ODF2: variants seen among roughly 807,000 people sequenced by gnomAD.
ODF2 encodes the protein outer dense fiber of sperm tails 2.
In ODF2, 47 loss-of-function variants were observed where a neutral mutation model predicts 110.2. The ratio of observed to expected loss-of-function variants is 0.43; its 90% CI spans 0.34 to 0.54. The LOEUF is 0.54. Ranked by LOEUF, ODF2 falls within the 20% of genes least tolerant of loss-of-function variation. ODF2 has a pLI of 0.03. For synonymous variants in ODF2, 352 were observed against 397.7 expected (o/e 0.89, Z 1.37); for missense variants, 812 against 1,054.5 (o/e 0.77, Z 3.19).
In ODF2 at chr9:128,477,205, C is replaced by T. The variant is rs546174647; in HGVS notation, c.843+3464C>T. Among the ~76,000 whole-genome samples the T allele has an allele frequency of 2.0e-5, 3 of 149,942 alleles. No individual in the cohort carries two copies. The South Asian group carries it at 6.4e-4, about 32-fold the overall frequency. On this transcript the variant is annotated intron_variant, in intron 8 of 20. Transcript: ENST00000604420. Reference sequence around the variant, plus strand: ...CCTAGATTGCACCACTATACTCCAGCCTGGGTGACAGAGCGAGACTCTGTC... The same window carrying T: ...CCTAGATTGCACCACTATACTCCAGTCTGGGTGACAGAGCGAGACTCTGTC...
chr9:128,458,630 A>G (rs1377356570), intron 2 of ODF2, among the ~76,000 whole-genome samples: 1 of 144,414 alleles, frequency 6.9e-6, no homozygotes, highest in African/African-American at 2.6e-5. Flanking sequence ...CTGGTGATGG[A>G]GCTGTACAGT....
intron 18 of ODF2, chr9:128,497,514 G>T (rs1485400164): frequency 7.4e-6 from 1 of 135,472 alleles, no homozygotes. Context: ...CGCAGTGGCG[G>T]GCGCCTGTAG....
At chr9:128,490,455 T>G (rs1176818295) in intron 14 of ODF2, among the ~76,000 whole-genome samples, 1 of 152,074 alleles carries the variant, frequency 6.6e-6, no homozygotes, top group Non-Finnish European at 1.5e-5. Context: ...GCTAATTTTT[T>G]GTATTTTTAG....
chr9:128,456,794 G>C, intron 1 of ODF2: 1 of 1,287,844 alleles, frequency 7.8e-7, no homozygotes, highest in Non-Finnish European at 1.0e-6. Flanking sequence ...CCAGCCCGGC[G>C]TCTATCCTGC....
At chr9:128,498,377 G>A (rs1846017748) in intron 18 of ODF2, 36 bp from the exon 19 acceptor site, 1 of 1,506,560 alleles carries the variant, frequency 6.6e-7, no homozygotes, top group Non-Finnish European at 8.9e-7. Context: ...GACAGGTTGG[G>A]GTATGCCCAG....
rs540190798 is a variant in ODF2, at chr9:128,481,471, T to TTA, written c.844-109_844-108insTA. 9.5e-4 allele frequency: 639 copies of TTA among 669,230 alleles called. 7 individuals are homozygous for TTA. The East Asian group carries it at 0.022, about 23-fold the overall frequency. 41.5% of individuals were successfully genotyped at this position (669,230 alleles called of 1,614,324 possible). A position where few individuals can be genotyped will look rare whatever the true frequency, so the allele number is the denominator to read the frequency against. Reference sequence around the variant, plus strand: ...CAGCCTGGGCAACAGAGTAAGACTCTAAAAAAAAAAAAAAATACAATTTTT... The same window carrying TTA: ...CAGCCTGGGCAACAGAGTAAGACTCTTAAAAAAAAAAAAAAAATACAATTTTT... On this transcript the variant is annotated intron_variant, in intron 8 of 20. Transcript: ENST00000604420.
At chr9:128,484,979 G>A in intron 12 of ODF2, 93 bp downstream of exon 12, 5 of 1,239,906 alleles carry the variant, frequency 4.0e-6, no homozygotes, top group South Asian at 3.8e-5. Flanking sequence ...GCGGGGAGGG[G>A]TGGGTGGATG....
chr9:128,469,151 G>C (rs1415969229), intron 4 of ODF2, 32 bp from the exon 5 acceptor site: 1 of 1,605,590 alleles, frequency 6.2e-7, no homozygotes, highest in East Asian at 2.2e-5. Context: ...TCTGCCTTCT[G>C]AGTTCATGTG....
chr9:128,466,810 T>C (rs1368794550), intron 4 of ODF2, among the ~76,000 whole-genome samples: 1 of 148,350 alleles, frequency 6.7e-6, no homozygotes, highest in Non-Finnish European at 1.5e-5. Context: ...ACTCCGTCTC[T>C]ACTAAAAGTA....
At chr9:128,495,985 G>GGAGGCC (rs1845501499) in intron 17 of ODF2, 56 bp from the exon 18 acceptor site, 1 of 1,602,418 alleles carries the variant, frequency 6.2e-7, no homozygotes, top group Non-Finnish European at 8.5e-7. Flanking sequence ...TAGGGAAAGG[G>GGAGGCC]GAGGGCTCTA....
At chr9:128,455,921 G>T (rs1375652102), upstream of ODF2, 1 of 1,382,980 alleles carries the variant, frequency 7.2e-7, no homozygotes, top group Non-Finnish European at 9.4e-7. Flanking sequence ...GCCTTGAATG[G>T]GGGGCGAGAC....
chr9:128,499,040 G>A (rs974476643), exon 20 of ODF2: 100 of 1,614,044 alleles, frequency 6.2e-5, no homozygotes, highest in Non-Finnish European at 8.2e-5. Context: ...CAAGGAGCGA[G>A]CAGCCCAGAA....
intron 8 of ODF2, among the ~76,000 whole-genome samples, chr9:128,475,902 C>T (rs1237173937): frequency 6.6e-6 from 1 of 151,994 alleles, no homozygotes; most frequent in African/African-American, 2.4e-5. Flanking sequence ...CCTCAGCCTC[C>T]CAAAGTGCTG....
At chr9:128,478,284 C>T (rs928819851) in intron 8 of ODF2, among the ~76,000 whole-genome samples, 1 of 152,194 alleles carries the variant, frequency 6.6e-6, no homozygotes, top group African/African-American at 2.4e-5. Flanking sequence ...GCCTGGATGA[C>T]AGAGCCAGAC....
chr9:128,456,863 C>T, intron 1 of ODF2: 1 of 1,300,436 alleles, frequency 7.7e-7, no homozygotes. Flanking sequence ...GCAACCTCCG[C>T]GCCTCCCTCC....
At chr9:128,474,942 G>A (rs1356216070) in intron 8 of ODF2, among the ~76,000 whole-genome samples, 2 of 151,646 alleles carry the variant, frequency 1.3e-5, no homozygotes, top group Non-Finnish European at 2.9e-5. Flanking sequence ...CCAGCCTGGG[G>A]AACAAGAGCA....
chr9:128,455,893 CAG>C, upstream of ODF2: 1 of 1,277,242 alleles, frequency 7.8e-7, no homozygotes, highest in South Asian at 1.8e-5. Flanking sequence ...GCAGGGGAAA[CAG>C]GGCCGAGCGG....
Position 128,499,993 on chromosome 9 carries a change from A to G in ODF2, c.2302-74A>G. 3 of 1,545,010 alleles carry G rather than the reference A, an allele frequency of 1.9e-6. No individual in the cohort carries two copies. The South Asian group carries it at 3.5e-5, about 18-fold the overall frequency. On this transcript the variant is annotated intron_variant, in intron 20 of 20. Transcript: ENST00000604420. ...CCCAAACCTCCTGGCAACTCCTAAG[A>G]AAGTCCCTATGTCTCTATGGATTTC...
At chr9:128,493,349 C>G (rs79697158) in intron 16 of ODF2, among the ~76,000 whole-genome samples, 5,729 of 152,264 alleles carry the variant, frequency 0.038, 202 homozygotes, top group East Asian at 0.15. Context: ...TGTGCCACTA[C>G]GCTCTAGCCT....
Sources: allele counts gnomAD v4.1 joint callset (sites outside exome capture counted in the v4.1 genomes callset), GRCh38; gene constraint gnomAD v4.1.1; transcripts MANE v1.5; gene names NCBI Gene and HGNC (gene_info 2026-07-23, HGNC 2026-07-21).